ZBTB5: variants seen among roughly 807,000 people sequenced by gnomAD.
ZBTB5 encodes the protein zinc finger and BTB domain containing 5, also known as zinc finger and BTB domain-containing protein 5.
A neutral mutation model predicts 37.9 loss-of-function variants in ZBTB5; 15 were observed. The observed-to-expected ratio is 0.40, with a 90% CI of 0.26 to 0.61. ZBTB5 has a LOEUF of 0.61. Ranked by LOEUF, ZBTB5 falls within the 20% of genes least tolerant of loss-of-function variation. The pLI, the probability that ZBTB5 is intolerant of heterozygous loss-of-function variation, is 0.47. For synonymous variants in ZBTB5, 315 were observed against 312.4 expected (o/e 1.01, Z -0.09); for missense variants, 708 against 856.8 (o/e 0.83, Z 2.17).
Position 37,442,082 on chromosome 9 carries a change from G to A in ZBTB5, c.470C>T (p.Ala157Val). Residue 157 changes from alanine (A) to valine (V), a missense_variant, in exon 2 of 2, where the codon GCC (alanine) becomes GTC (valine). Around this residue, in one of 3 missense-constraint regions of ZBTB5, gnomAD observed 639 missense variants for 690.5 expected, o/e 0.93. Coordinates refer to ENST00000307750, the MANE Select transcript of ZBTB5 (RefSeq NM_014872.3). ...CTCGCCATTCTGGCTGGAATTGAGG[G>A]CTGAGCTCACGATGCTTAGTCCCAG... ...QQLGLSIVSS[A>V]LNSSQNGEEQ... The A allele has an allele frequency of 6.2e-7, 1 of 1,614,006 alleles. No individual in the cohort carries two copies. The highest frequency in any genetic ancestry group is 8.5e-7 in the Non-Finnish European group (1 of 1,180,046).
At chr9:37,461,225 T>C (rs2768656) in intron 1 of ZBTB5, among the ~76,000 whole-genome samples, 118,159 of 152,164 alleles carry the variant, frequency 0.78, 47,361 homozygotes, top group Non-Finnish European at 0.87. Context: ...TTTGTTTTCC[T>C]GGTCTTCCTT....
chr9:37,457,942 G>T (rs1824222802), intron 1 of ZBTB5, among the ~76,000 whole-genome samples: 1 of 152,168 alleles, frequency 6.6e-6, no homozygotes. Flanking sequence ...TAACCATGAG[G>T]CACATACTTT....
rs144047019 is a variant in ZBTB5, at chr9:37,463,440, T to C, written c.-5+1775A>G. Among the ~76,000 whole-genome samples the C allele has an allele frequency of 2.6e-5, 4 of 152,310 alleles. 1 individual carries two copies. The East Asian group carries it at 7.7e-4, about 29-fold the overall frequency. On this transcript the variant is annotated intron_variant, in intron 1 of 1. Transcript: ENST00000307750. ...TTAAAAAAAAAGTTGAAAGCTAACA[T>C]AGAATCAATACCTTGGGTTCTTTTT...
intron 1 of ZBTB5, among the ~76,000 whole-genome samples, chr9:37,453,936 C>T (rs1824144596): frequency 6.6e-6 from 1 of 152,098 alleles, no homozygotes; most frequent in Non-Finnish European, 1.5e-5. Flanking sequence ...AGAGTGATAC[C>T]AAAAACACTG....
rs557822623 is a variant in ZBTB5, at chr9:37,460,462, C to T, written c.-5+4753G>A. 1.0e-3 allele frequency among the ~76,000 whole-genome samples: 154 copies of T among 151,210 alleles called. 1 individual carries two copies. The highest frequency in any genetic ancestry group is 3.4e-3 in the African/African-American group (142 of 41,192). ...CCCCCCAAAAAAATTAGGCCAGATGCGGGGCTCACACCTGTAATCCCAGTA... is the reference window on the plus strand; with the variant it reads ...CCCCCCAAAAAAATTAGGCCAGATGTGGGGCTCACACCTGTAATCCCAGTA... On this transcript the variant is annotated intron_variant, in intron 1 of 1. Coordinates refer to ENST00000307750, the MANE Select transcript of ZBTB5 (RefSeq NM_014872.3).
At chr9:37,455,518 G>A (rs1486967297) in intron 1 of ZBTB5, among the ~76,000 whole-genome samples, 1 of 152,220 alleles carries the variant, frequency 6.6e-6, no homozygotes, top group Non-Finnish European at 1.5e-5. Context: ...GAGCACTGTA[G>A]CATGCCCAAT....
intron 1 of ZBTB5, among the ~76,000 whole-genome samples, chr9:37,464,757 G>T (rs112640110): frequency 2.0e-5 from 3 of 152,168 alleles, no homozygotes; most frequent in African/African-American, 7.2e-5. Flanking sequence ...ACCCCTCCAG[G>T]GTCGGCCGCT....
At chr9:37,444,807 GATTGTAGGAAAC>G (rs1464744300) in intron 1 of ZBTB5, among the ~76,000 whole-genome samples, 1 of 152,190 alleles carries the variant, frequency 6.6e-6, no homozygotes, top group Non-Finnish European at 1.5e-5. Flanking sequence ...AGGCGACTAA[GATTGTAGGAAAC>G]AGGAGACCCA....
Position 37,439,034 on chromosome 9 carries a change from T to C in ZBTB5, c.*1484A>G, listed in dbSNP as rs537382906. On this transcript the variant is annotated 3_prime_UTR_variant, in exon 2 of 2. Transcript: ENST00000307750. The stretch of plus-strand genomic sequence containing the variant: ...TTTCTAAACACAAAAACTGAATAAT[T>C]TATCTGATTTATGAATGATGGTTTG... 8 of 152,338 alleles carry C rather than the reference T, an allele frequency of 5.3e-5. No individual in the cohort carries two copies. Among genetic ancestry groups the C allele is most frequent in the Non-Finnish European group, 1.0e-4 (7 of 68,028 alleles). The allele number at this position is 152,338 out of a possible 1,614,324, so 9.4% of individuals were successfully genotyped here. A position where few individuals can be genotyped will look rare whatever the true frequency, so the allele number is the denominator to read the frequency against.
rs754727073 is a variant in ZBTB5 at position 37,441,184 on chromosome 9, A to C, written c.1368T>G (p.Gly456=). Residue 456 remains glycine, a synonymous_variant, in exon 2 of 2, where the codon GGT becomes GGG. Coordinates refer to ENST00000307750, the MANE Select transcript of ZBTB5 (RefSeq NM_014872.3). ...YLLSPEAGPA[G]GPSSAPGSHV... ...GGGAGCCAGGGGCAGAGGAGGGCCC[A>C]CCTGCAGGCCCAGCCTCTGGACTCA... 1.5e-5 allele frequency: 24 copies of C among 1,614,042 alleles called. No homozygotes were observed. The East Asian group carries it at 3.6e-4, about 24-fold the overall frequency.
At position 37,438,678 on chromosome 9, in the gene ZBTB5, T is replaced by C. The variant is rs183428008; in HGVS notation, c.*1840A>G. The C allele has an allele frequency of 6.6e-6, 1 of 152,444 alleles. No individual in the cohort carries two copies. The highest frequency in any genetic ancestry group is 1.5e-5 in the Non-Finnish European group (1 of 68,102). The allele number at this position is 152,444 out of a possible 1,614,324, so 9.4% of individuals were successfully genotyped here. Reference sequence around the variant, plus strand: ...TCATTTTCTCCAGGCTAACCCACTGTGTCCCAAGGTTAATCTCACAAGACA... The same window carrying C: ...TCATTTTCTCCAGGCTAACCCACTGCGTCCCAAGGTTAATCTCACAAGACA... On this transcript the variant is annotated 3_prime_UTR_variant, in exon 2 of 2. Transcript: ENST00000307750.
chr9:37,449,510 C>G (rs1242354407), intron 1 of ZBTB5, among the ~76,000 whole-genome samples: 1 of 151,936 alleles, frequency 6.6e-6, no homozygotes, highest in Non-Finnish European at 1.5e-5. Context: ...CCAGCTTGGC[C>G]AACATGGTGA....
At chr9:37,459,358 G>C (rs1016479909) in intron 1 of ZBTB5, among the ~76,000 whole-genome samples, 4 of 151,932 alleles carry the variant, frequency 2.6e-5, no homozygotes, top group Non-Finnish European at 5.9e-5. Flanking sequence ...TACTCGGGAG[G>C]CTGAGGCAGA....
intron 1 of ZBTB5, among the ~76,000 whole-genome samples, chr9:37,451,555 C>CA (rs67502719): frequency 3.0e-3 from 216 of 72,608 alleles, no homozygotes; most frequent in African/African-American, 4.0e-3. Flanking sequence ...GAGACTATCT[C>CA]AAAAAAAAAA....
intron 1 of ZBTB5, among the ~76,000 whole-genome samples, chr9:37,457,599 TACTA>T (rs1183203463): frequency 5.3e-5 from 8 of 152,280 alleles, no homozygotes; most frequent in Non-Finnish European, 7.3e-5. Context: ...TATGGGACAG[TACTA>T]ACTGTCACAG....
chr9:37,441,697 C>G lies in ZBTB5; in HGVS notation c.855G>C (p.Gln285His). ...QSDNSAGNMAQLSMASRATQV... is the reference protein window; with the variant it reads ...QSDNSAGNMAHLSMASRATQV... The stretch of plus-strand genomic sequence containing the variant: ...GAGTTGCACGAGAGGCCATGGACAA[C>G]TGTGCCATGTTGCCAGCACTGTTAT... The change falls in exon 2 of 2, where the codon CAG becomes CAC. Residue 285 changes from glutamine (Q) to histidine (H), a missense_variant. Coordinates refer to ENST00000307750, the MANE Select transcript of ZBTB5 (RefSeq NM_014872.3). 6.2e-7 allele frequency: 1 copy of G among 1,614,056 alleles called. No homozygotes were observed. The highest frequency in any genetic ancestry group is 8.5e-7 in the Non-Finnish European group (1 of 1,180,014).
At chr9:37,451,555 C>CAAAAAAA (rs67502719) in intron 1 of ZBTB5, among the ~76,000 whole-genome samples, 4 of 72,736 alleles carry the variant, frequency 5.5e-5, no homozygotes, top group East Asian at 4.0e-4. Flanking sequence ...GAGACTATCT[C>CAAAAAAA]AAAAAAAAAA....
intron 1 of ZBTB5, among the ~76,000 whole-genome samples, chr9:37,460,227 C>T (rs907846872): frequency 6.6e-6 from 1 of 151,822 alleles, no homozygotes; most frequent in South Asian, 2.1e-4. Flanking sequence ...CAACTGAGGT[C>T]GGAAGTTCGA....
intron 1 of ZBTB5, among the ~76,000 whole-genome samples, chr9:37,459,352 C>T (rs1018473451): frequency 4.6e-5 from 7 of 151,714 alleles, no homozygotes; most frequent in African/African-American, 1.7e-4. Context: ...CCCAGCTACT[C>T]GGGAGGCTGA....
Sources: allele counts gnomAD v4.1 joint callset (sites outside exome capture counted in the v4.1 genomes callset), GRCh38; gene constraint gnomAD v4.1.1; regional missense constraint gnomAD v4.1.1; transcripts MANE v1.5; gene names NCBI Gene and HGNC (gene_info 2026-07-23, HGNC 2026-07-21).